ANK3: variants seen among roughly 807,000 people sequenced by gnomAD.
The protein encoded by ANK3 is ankyrin-3.
In ANK3, 57 loss-of-function variants were observed where a neutral mutation model predicts 370.9. The observed-to-expected ratio is 0.15, with a 90% CI of 0.12 to 0.19. The LOEUF is 0.19. Ranked by LOEUF, ANK3 falls within the 10% of genes least tolerant of loss-of-function variation. ANK3 has a pLI of 1.00. For synonymous variants in ANK3, 1,929 were observed against 1,946.3 expected (o/e 0.99, Z 0.23); for missense variants, 4,439 against 5,302.1 (o/e 0.84, Z 5.06).
intron 7 of ANK3, among the ~76,000 whole-genome samples, chr10:60,249,735 G>C (rs1475879179): frequency 6.6e-6 from 1 of 152,174 alleles, no homozygotes; most frequent in Non-Finnish European, 1.5e-5. Flanking sequence ...TACTCTTCTA[G>C]GTGCCATGAA....
At chr10:60,266,988 TAG>T (rs545028576) in intron 5 of ANK3, among the ~76,000 whole-genome samples, 45 of 152,204 alleles carry the variant, frequency 3.0e-4, no homozygotes, top group African/African-American at 1.0e-3. Flanking sequence ...AGATTATATA[TAG>T]AGAGAAAAGA....
intron 4 of ANK3, among the ~76,000 whole-genome samples, chr10:60,276,911 T>C (rs2098098898): frequency 6.6e-6 from 1 of 152,242 alleles, no homozygotes; most frequent in East Asian, 1.9e-4. Context: ...TTTAAAAGCA[T>C]GATGCTTCTA....
intron 2 of ANK3, among the ~76,000 whole-genome samples, chr10:60,603,953 C>T (rs1371163016): frequency 6.6e-6 from 1 of 152,098 alleles, no homozygotes; most frequent in Non-Finnish European, 1.5e-5. Flanking sequence ...ACATTGGTTA[C>T]AAGCATTTAT....
chr10:60,107,410 A>C (rs996158890), intron 27 of ANK3, among the ~76,000 whole-genome samples: 8 of 152,190 alleles, frequency 5.3e-5, no homozygotes, highest in African/African-American at 1.9e-4. Flanking sequence ...ATGATGTTCA[A>C]TGATATTGGA....
chr10:60,693,944 T>C (rs545691612), intron 1 of ANK3, among the ~76,000 whole-genome samples: 1 of 151,838 alleles, frequency 6.6e-6, no homozygotes, highest in African/African-American at 2.4e-5. Flanking sequence ...GACGATCAAA[T>C]TACTCTGAGC....
intron 1 of ANK3, among the ~76,000 whole-genome samples, chr10:60,636,030 G>T (rs532962869): frequency 7.2e-5 from 11 of 152,094 alleles, no homozygotes; most frequent in Non-Finnish European, 1.3e-4. Context: ...ATGAAAAGTA[G>T]CCCAATAAAT....
chr10:60,647,205 T>G (rs775776737), intron 1 of ANK3, among the ~76,000 whole-genome samples: 1 of 152,210 alleles, frequency 6.6e-6, no homozygotes, highest in African/African-American at 2.4e-5. Context: ...AGCTATGTGG[T>G]AGGCAAAGCC....
intron 1 of ANK3, among the ~76,000 whole-genome samples, chr10:60,725,371 G>A (rs985394183): frequency 6.6e-6 from 1 of 152,032 alleles, no homozygotes; most frequent in Non-Finnish European, 1.5e-5. Flanking sequence ...ATGTCCTCTT[G>A]GGGACCTCTG....
At chr10:60,700,928 T>A (rs540659324) in intron 1 of ANK3, among the ~76,000 whole-genome samples, 3 of 151,864 alleles carry the variant, frequency 2.0e-5, no homozygotes, top group African/African-American at 7.2e-5. Context: ...AAGATAAAGA[T>A]AAATTTTAAT....
intron 2 of ANK3, among the ~76,000 whole-genome samples, chr10:60,422,863 A>C (rs915172405): frequency 6.6e-6 from 1 of 152,074 alleles, no homozygotes; most frequent in Non-Finnish European, 1.5e-5. Flanking sequence ...AAAACGTGAA[A>C]ATTTTGCTTT....
At chr10:60,710,045 C>A (rs2079681072) in intron 1 of ANK3, among the ~76,000 whole-genome samples, 2 of 152,104 alleles carry the variant, frequency 1.3e-5, no homozygotes, top group Non-Finnish European at 2.9e-5. Flanking sequence ...TTTTCTGCTT[C>A]TTGGGAGCAC....
At chr10:60,206,364 T>C (rs1434896718) in intron 10 of ANK3, among the ~76,000 whole-genome samples, 1 of 152,136 alleles carries the variant, frequency 6.6e-6, no homozygotes, top group Non-Finnish European at 1.5e-5. Context: ...TCCCAGCTAC[T>C]TGGGAGGCTG....
At chr10:60,041,580 C>A (rs2131863036) in intron 43 of ANK3, among the ~76,000 whole-genome samples, 1 of 152,288 alleles carries the variant, frequency 6.6e-6, no homozygotes, top group Non-Finnish European at 1.5e-5. Context: ...GCCTGAAGAG[C>A]ACGCATGAAA....
At chr10:60,132,582 T>C (rs1041112706) in intron 25 of ANK3, among the ~76,000 whole-genome samples, 1 of 152,074 alleles carries the variant, frequency 6.6e-6, no homozygotes, top group African/African-American at 2.4e-5. Context: ...ATGTCTTTAT[T>C]AGCAGTGTGA....
chr10:60,693,243 C>G (rs1052704056), intron 1 of ANK3, among the ~76,000 whole-genome samples: 2 of 152,236 alleles, frequency 1.3e-5, no homozygotes, highest in Admixed American at 1.3e-4. Flanking sequence ...GCACCTGGCT[C>G]GCAGGGTCCT....
rs371595678 is a variant in ANK3 at position 60,524,561 on chromosome 10, A to T, written c.96+90625T>A. ...CTTTGCCTGCTGCCATCTATGTAAG[A>T]TGTGACTTGCTCCTCCATGCCTTCC... On this transcript the variant is annotated intron_variant, in intron 2 of 43. Coordinates refer to the ANK3 transcript ENST00000373827. Among the ~76,000 whole-genome samples, 16 of 152,174 alleles carry T rather than the reference A, an allele frequency of 1.1e-4. No individual in the cohort carries two copies. In the East Asian group the frequency reaches 2.7e-3, roughly 26 times the overall value.
At chr10:60,491,175 A>G (rs1469275905) in intron 2 of ANK3, among the ~76,000 whole-genome samples, 1 of 152,180 alleles carries the variant, frequency 6.6e-6, no homozygotes, top group Non-Finnish European at 1.5e-5. Context: ...CTATTCATCT[A>G]TTGGTGGATA....
rs1316466440 is a variant in ANK3, at chr10:60,256,172, G to A, written c.798+5687C>T. Reference sequence around the variant, plus strand: ...TATTCAGCATTATAGCCTAGATGCAGCTATGCTTTGGGGACTTACGGGAGA... The same window carrying A: ...TATTCAGCATTATAGCCTAGATGCAACTATGCTTTGGGGACTTACGGGAGA... On this transcript the variant is annotated intron_variant, in intron 7 of 43. Coordinates refer to ENST00000280772, the MANE Select transcript of ANK3 (RefSeq NM_020987.5). Among the ~76,000 whole-genome samples the A allele has an allele frequency of 2.6e-5, 4 of 152,240 alleles. No individual in the cohort carries two copies. In the South Asian group the frequency reaches 6.2e-4, roughly 24 times the overall value.
At chr10:60,493,771 C>T (rs1237154902) in intron 2 of ANK3, among the ~76,000 whole-genome samples, 3 of 152,014 alleles carry the variant, frequency 2.0e-5, no homozygotes, top group Non-Finnish European at 4.4e-5. Context: ...ACTATCATTA[C>T]ACATAAAGGT....
Sources: gnomAD v4.1 joint callset for allele counts (sites outside exome capture counted in the v4.1 genomes callset) on GRCh38, gnomAD v4.1.1 for gene constraint, MANE v1.5 for transcripts, NCBI Gene and HGNC (gene_info 2026-07-23, HGNC 2026-07-21) for gene names.